FAR1: variants seen among roughly 807,000 people sequenced by gnomAD.
FAR1 encodes the protein fatty acyl-CoA reductase 1.
FAR1 carries 22 observed loss-of-function variants against 61.1 expected under a neutral mutation model. The ratio of observed to expected loss-of-function variants is 0.36; its 90% confidence interval spans 0.26 to 0.51. The LOEUF (loss-of-function observed/expected upper bound fraction) is 0.51, where lower values mean the gene tolerates loss of function less well. FAR1 is among the 20% of genes least tolerant of loss of function. FAR1 has a pLI of 0.95. For missense variants in FAR1, 359 were observed against 626.9 expected, an observed-to-expected ratio of 0.57 and a Z score of 4.56; for synonymous variants, 206 against 209.7, an observed-to-expected ratio of 0.98 and a Z score of 0.15.
At chr11:13,676,017 A>T (rs1201897861) in intron 1 of FAR1, among the ~76,000 whole-genome samples, 1 of 152,146 alleles carries the variant, frequency 6.6e-6, no homozygotes. Flanking sequence ...TGTACGTTCA[A>T]ATATCCTTGG....
intron 1 of FAR1, among the ~76,000 whole-genome samples, chr11:13,670,757 A>C (rs1847991885): frequency 1.3e-5 from 2 of 149,680 alleles, no homozygotes. Context: ...GTATGTATGC[A>C]TCACTGCTAT....
At chr11:13,669,929 C>T (rs371798527) in intron 1 of FAR1, among the ~76,000 whole-genome samples, 1 of 152,166 alleles carries the variant, frequency 6.6e-6, no homozygotes, top group Non-Finnish European at 1.5e-5. Context: ...AAGATACTCT[C>T]AGAAAATCTG....
chr11:13,694,801 C>A lies in FAR1; in HGVS notation c.36C>A (p.Asn12Lys). 6.2e-7 allele frequency: 1 copy of A among 1,613,706 alleles called. No individual in the cohort carries two copies. Among genetic ancestry groups the A allele is most frequent in the Non-Finnish European group, 8.5e-7 (1 of 1,179,782 alleles). ...TCCCAGAATACTATGAAGGCAAGAA[C>A]GTCCTCCTCACAGGAGCTACCGGTT... ...VSIPEYYEGK[N>K]VLLTGATGFL... is the part of the protein sequence containing the mutation. Residue 12 changes from asparagine (N) to lysine (K), a missense_variant, in exon 2 of 12, where the codon AAC (asparagine) becomes AAA (lysine). Around this residue, in one of 2 missense-constraint regions of FAR1, gnomAD observed 344 missense variants for 570.3 expected, o/e 0.60. Coordinates refer to ENST00000354817, the MANE Select transcript of FAR1 (RefSeq NM_032228.6).
rs201893394 is a variant in FAR1, at chr11:13,692,153, T to C, written c.-7-2606T>C. Among the ~76,000 whole-genome samples, 4 of 152,076 alleles carry C rather than the reference T, an allele frequency of 2.6e-5. No homozygotes were observed. The East Asian group carries it at 7.7e-4, about 29-fold the overall frequency. On this transcript the variant is annotated intron_variant, in intron 1 of 11. Coordinates refer to ENST00000354817, the MANE Select transcript of FAR1 (RefSeq NM_032228.6). ...CTGCACTTCAGCCTGGGTGACAGAGTGAGACTTTCTCCAGAAGGAAAAACT... is the reference window on the plus strand; with the variant it reads ...CTGCACTTCAGCCTGGGTGACAGAGCGAGACTTTCTCCAGAAGGAAAAACT...
chr11:13,708,447 G>GCGCACACACACACACACACACACA (rs139902063), intron 4 of FAR1, among the ~76,000 whole-genome samples: 11 of 136,698 alleles, frequency 8.0e-5, no homozygotes, highest in Non-Finnish European at 1.3e-4. Context: ...GCGCGCGCGC[G>GCGCACACACACACACACACACACA]CACACACACA....
intron 9 of FAR1, 92 bp downstream of exon 9, chr11:13,714,772 T>A: frequency 8.2e-7 from 1 of 1,213,688 alleles, no homozygotes; most frequent in Non-Finnish European, 1.1e-6. Context: ...TGTTTATGCT[T>A]ATGATAAGGC....
At chr11:13,702,340 T>C (rs1415656719) in intron 3 of FAR1, among the ~76,000 whole-genome samples, 1 of 152,188 alleles carries the variant, frequency 6.6e-6, no homozygotes, top group Non-Finnish European at 1.5e-5. Flanking sequence ...TATGAACATG[T>C]GTTAATCTTC....
chr11:13,693,119 C>T (rs1306357540), intron 1 of FAR1, among the ~76,000 whole-genome samples: 1 of 152,008 alleles, frequency 6.6e-6, no homozygotes, highest in South Asian at 2.1e-4. Context: ...TTTTGGCTTC[C>T]CTGGGCCACA....
At position 13,726,257 on chromosome 11, in the gene FAR1, C is replaced by T. The variant is rs573604350; in HGVS notation, c.1258-1299C>T. 3.9e-5 allele frequency among the ~76,000 whole-genome samples: 6 copies of T among 152,062 alleles called. No individual in the cohort carries two copies. In the East Asian group the frequency reaches 9.7e-4, roughly 24 times the overall value. ...ATAAATATTCATACAGATTTACCAG[C>T]GTAACTGTCCTTTTATTGCTCTTTA... On this transcript the variant is annotated intron_variant, in intron 10 of 11. Transcript: ENST00000354817.
intron 9 of FAR1, among the ~76,000 whole-genome samples, chr11:13,718,004 TAA>T (rs1167693543): frequency 1.3e-5 from 2 of 152,192 alleles, no homozygotes; most frequent in African/African-American, 4.8e-5. Context: ...GCCATACCCA[TAA>T]GTTTCTTTGA....
At position 13,687,869 on chromosome 11, in the gene FAR1, C is replaced by T. The variant is rs140528172; in HGVS notation, c.-7-6890C>T. 3.5e-3 allele frequency among the ~76,000 whole-genome samples: 510 copies of T among 147,154 alleles called. 5 individuals are homozygous for T. The highest frequency in any genetic ancestry group is 0.012 in the African/African-American group (476 of 39,494). Reference sequence around the variant, plus strand: ...ATCGCAAGGACAAAAAACCAAACACCGCATGCTCTCATAGGTGGGAATTGA... The same window carrying T: ...ATCGCAAGGACAAAAAACCAAACACTGCATGCTCTCATAGGTGGGAATTGA... On this transcript the variant is annotated intron_variant, in intron 1 of 11. Coordinates refer to ENST00000354817, the MANE Select transcript of FAR1 (RefSeq NM_032228.6).
At chr11:13,670,154 A>G (rs1446220955) in intron 1 of FAR1, 1 of 148,800 alleles carries the variant, frequency 6.7e-6, no homozygotes, top group Non-Finnish European at 1.5e-5. Context: ...CCAGCCTCAA[A>G]CTCCTCGGCC....
chr11:13,721,633 T>A lies in FAR1; in HGVS notation c.1128-97T>A. The stretch of plus-strand genomic sequence containing the variant: ...TTAAATGTTATAATTTTAATACTAA[T>A]GTCTATATTATAGGGGGAAACTTGC... On this transcript the variant is annotated intron_variant, in intron 9 of 11. Transcript: ENST00000354817. The surrounding 1 kb of genome is among the most constrained non-coding windows in gnomAD (Gnocchi z 4.2). 1 of 846,464 alleles carries A rather than the reference T, an allele frequency of 1.2e-6. No homozygotes were observed. Among genetic ancestry groups the A allele is most frequent in the Non-Finnish European group, 1.8e-6 (1 of 550,476 alleles). The allele number at this position is 846,464 out of a possible 1,614,324, so 52.4% of individuals were successfully genotyped here.
At chr11:13,697,894 C>CTGTTTT (rs1848325492) in intron 2 of FAR1, among the ~76,000 whole-genome samples, 1 of 152,102 alleles carries the variant, frequency 6.6e-6, no homozygotes, top group Non-Finnish European at 1.5e-5. Flanking sequence ...GATGGTTACT[C>CTGTTTT]AGCCTTCCTC....
intron 1 of FAR1, among the ~76,000 whole-genome samples, chr11:13,689,931 A>G (rs1268287838): frequency 7.1e-6 from 1 of 141,726 alleles, no homozygotes; most frequent in Admixed American, 7.6e-5. Flanking sequence ...GCTGGAGTGC[A>G]GTGGCACGGT....
chr11:13,703,913 A>G (rs1477679672), intron 3 of FAR1, among the ~76,000 whole-genome samples: 2 of 151,906 alleles, frequency 1.3e-5, no homozygotes, highest in African/African-American at 4.8e-5. Context: ...GCATGGTGGC[A>G]CACGCCTGTA....
chr11:13,718,862 ATCTC>A (rs902630301), intron 9 of FAR1, among the ~76,000 whole-genome samples: 1 of 151,902 alleles, frequency 6.6e-6, no homozygotes, highest in Non-Finnish European at 1.5e-5. Context: ...GTGGCTGGGC[ATCTC>A]TCTCTCTCCA....
At chr11:13,724,213 G>A (rs1188168744) in intron 10 of FAR1, among the ~76,000 whole-genome samples, 1 of 152,020 alleles carries the variant, frequency 6.6e-6, no homozygotes, top group Non-Finnish European at 1.5e-5. Context: ...TAAAATATCT[G>A]ATTAGGTTTT....
At chr11:13,695,983 A>G (rs975972181) in intron 2 of FAR1, among the ~76,000 whole-genome samples, 2 of 151,774 alleles carry the variant, frequency 1.3e-5, no homozygotes, top group Non-Finnish European at 2.9e-5. Flanking sequence ...TCCCTTAATC[A>G]TTTTTTCTCT....
Sources: gnomAD v4.1 joint callset for allele counts (sites outside exome capture counted in the v4.1 genomes callset) on GRCh38, gnomAD v4.1.1 for gene constraint, gnomAD v4.1.1 regional missense constraint, Gnocchi (gnomAD v3.1) non-coding constraint, MANE v1.5 for transcripts, NCBI Gene and HGNC (gene_info 2026-07-23, HGNC 2026-07-21) for gene names.